Variants in GABRB3 observed in about 807,000 individuals in gnomAD.
The protein encoded by GABRB3 is gamma-aminobutyric acid receptor subunit beta-3.
A neutral mutation model predicts 52.1 loss-of-function variants in GABRB3; 14 were observed. That is an observed-to-expected ratio of 0.27 (90% CI 0.18 to 0.42). The LOEUF (loss-of-function observed/expected upper bound fraction) is 0.42, where lower values mean the gene tolerates loss of function less well. Among genes scored for constraint, GABRB3 ranks in the 10% least tolerant of loss-of-function variants. The pLI is 1.00. For synonymous variants in GABRB3, 260 were observed against 232.3 expected, an observed-to-expected ratio of 1.12 and a Z score of -1.08; for missense variants, 307 against 609.1, an observed-to-expected ratio of 0.50 and a Z score of 5.22.
At chr15:26,702,161 A>G (rs972269996) in intron 3 of GABRB3, among the ~76,000 whole-genome samples, 3 of 152,200 alleles carry the variant, frequency 2.0e-5, no homozygotes, top group Non-Finnish European at 4.4e-5. Flanking sequence ...ACAGGAGGAA[A>G]CCTTTATGAT....
rs962470650 is a variant in GABRB3 at position 26,580,238 on chromosome 15, T to C, written c.682+81A>G. On this transcript the variant is annotated intron_variant, in intron 6 of 8. Coordinates refer to ENST00000311550, the MANE Select transcript of GABRB3 (RefSeq NM_000814.6). The stretch of plus-strand genomic sequence containing the variant: ...TTCCGATGATCCTGTGCTGTGAGTC[T>C]ATGGCAGCACATTTTGTCACTCCAG... 5 of 1,516,162 alleles carry C rather than the reference T, an allele frequency of 3.3e-6. No homozygotes were observed. In the African/African-American group the frequency reaches 6.8e-5, roughly 21 times the overall value. The allele number at this position is 1,516,162 out of a possible 1,614,324, so 93.9% of individuals were successfully genotyped here. A position where few individuals can be genotyped will look rare whatever the true frequency, so the allele number is the denominator to read the frequency against.
At chr15:26,659,028 A>G (rs1887460442) in intron 3 of GABRB3, among the ~76,000 whole-genome samples, 1 of 152,222 alleles carries the variant, frequency 6.6e-6, no homozygotes, top group African/African-American at 2.4e-5. Flanking sequence ...ACATGAATAC[A>G]GAGGCTGCAT....
intron 3 of GABRB3, among the ~76,000 whole-genome samples, chr15:26,729,480 A>C (rs1889853710): frequency 6.6e-6 from 1 of 152,090 alleles, no homozygotes; most frequent in Non-Finnish European, 1.5e-5. Flanking sequence ...CAAAAGCGCC[A>C]AGCTAATGGC....
intron 3 of GABRB3, among the ~76,000 whole-genome samples, chr15:26,764,869 G>A (rs541796582): frequency 2.0e-5 from 3 of 152,198 alleles, no homozygotes; most frequent in Non-Finnish European, 2.9e-5. Flanking sequence ...GGTGGCTCAC[G>A]CCTGTAATCC....
chr15:26,725,675 T>A lies in GABRB3; in HGVS notation c.240+46727A>T, dbSNP rs138425276. ...GACCATAAGAGTTTCAAATTTGGAG[T>A]TTTTTTCATATTTGAGGATATCTGC... On this transcript the variant is annotated intron_variant, in intron 3 of 8. Transcript: ENST00000311550. 4.7e-3 allele frequency among the ~76,000 whole-genome samples: 722 copies of A among 152,284 alleles called. 10 individuals are homozygous for A. Among genetic ancestry groups the A allele is most frequent in the African/African-American group, 0.017 (702 of 41,566 alleles).
Position 26,751,488 on chromosome 15 carries a change from A to T in GABRB3, c.240+20914T>A, listed in dbSNP as rs187724207. The stretch of plus-strand genomic sequence containing the variant: ...TAAAAAAGGGCTCTCTAGACACAGA[A>T]GATCATGAGATAAAGAATCTGAAAG... On this transcript the variant is annotated intron_variant, in intron 3 of 8. Coordinates refer to ENST00000311550, the MANE Select transcript of GABRB3 (RefSeq NM_000814.6). Among the ~76,000 whole-genome samples, 71 of 152,278 alleles carry T rather than the reference A, an allele frequency of 4.7e-4. 1 individual carries two copies. The highest frequency in any genetic ancestry group is 4.3e-3 in the Admixed American group (66 of 15,294).
At chr15:26,699,615 T>A (rs1654757285) in intron 3 of GABRB3, among the ~76,000 whole-genome samples, 1 of 151,974 alleles carries the variant, frequency 6.6e-6, no homozygotes, top group East Asian at 1.9e-4. Flanking sequence ...CACAAAAGAC[T>A]AAGATTGAGC....
intron 3 of GABRB3, among the ~76,000 whole-genome samples, chr15:26,706,128 A>G (rs576812021): frequency 4.6e-5 from 7 of 152,294 alleles, no homozygotes; most frequent in African/African-American, 1.7e-4. Flanking sequence ...ACTAAACAAA[A>G]CAAAGACTAT....
intron 3 of GABRB3, among the ~76,000 whole-genome samples, chr15:26,685,109 C>T (rs1364477583): frequency 1.3e-5 from 2 of 152,306 alleles, no homozygotes; most frequent in African/African-American, 2.4e-5. Flanking sequence ...CCTTTCCCTG[C>T]AGGTCCCATG....
chr15:26,611,072 T>G (rs1892051219), intron 4 of GABRB3, among the ~76,000 whole-genome samples: 1 of 152,200 alleles, frequency 6.6e-6, no homozygotes, highest in Admixed American at 6.6e-5. Flanking sequence ...TTAAGGTTCT[T>G]ACATAGGTGA....
chr15:26,602,024 T>A (rs1443054033), intron 4 of GABRB3, among the ~76,000 whole-genome samples: 1 of 152,102 alleles, frequency 6.6e-6, no homozygotes, highest in Non-Finnish European at 1.5e-5. Flanking sequence ...ATACACTTTA[T>A]TATAAAGACA....
intron 6 of GABRB3, among the ~76,000 whole-genome samples, chr15:26,579,420 G>A (rs1315126804): frequency 6.6e-6 from 1 of 152,192 alleles, no homozygotes; most frequent in East Asian, 1.9e-4. Flanking sequence ...CTAAGAATGA[G>A]TCGGAGCTAG....
chr15:26,740,744 G>A (rs932210635), intron 3 of GABRB3, among the ~76,000 whole-genome samples: 3 of 152,186 alleles, frequency 2.0e-5, no homozygotes, highest in Admixed American at 6.5e-5. Context: ...CACATCTAAC[G>A]TGATGGTCAG....
At position 26,548,117 on chromosome 15, in the gene GABRB3, A is replaced by G. The variant is rs1351117023; in HGVS notation, c.1098T>C (p.Asn366=). 1.9e-6 allele frequency: 3 copies of G among 1,614,014 alleles called. No homozygotes were observed. The African/African-American group carries it at 4.0e-5, about 22-fold the overall frequency. Residue 366 remains asparagine (N), a synonymous_variant, in exon 9 of 9, where the codon AAT becomes AAC. Transcript: ENST00000311550. ...GAACTTCCAGCGATGTCAACAGAATATTTCCATGAGCATCCACCTAATTGG... is the reference window on the plus strand; with the variant it reads ...GAACTTCCAGCGATGTCAACAGAATGTTTCCATGAGCATCCACCTAATTGG... The part of the protein sequence containing the change: ...SESNRVDAHG[N]ILLTSLEVHN...
intron 3 of GABRB3, among the ~76,000 whole-genome samples, chr15:26,664,652 G>A (rs889230879): frequency 7.9e-5 from 12 of 151,134 alleles, no homozygotes. Context: ...ATCAAACCAC[G>A]GTAATGGGGT....
At chr15:26,759,641 A>G (rs1336992884) in intron 3 of GABRB3, among the ~76,000 whole-genome samples, 1 of 152,168 alleles carries the variant, frequency 6.6e-6, no homozygotes, top group Non-Finnish European at 1.5e-5. Flanking sequence ...CTCGCCCCAC[A>G]CTGGCCGAGT....
intron 3 of GABRB3, among the ~76,000 whole-genome samples, chr15:26,721,091 C>T (rs571997085): frequency 5.3e-5 from 8 of 152,026 alleles, no homozygotes; most frequent in Non-Finnish European, 1.2e-4. Flanking sequence ...CCTGAGGGGA[C>T]CTGAAAATGT....
In GABRB3 at chr15:26,758,794, C is replaced by T. The variant is rs564381662; in HGVS notation, c.240+13608G>A. ...AAAAGAAAAAAAGAAAAAAAAACAACCTTAAGTAACATATGTGACACCACC... is the reference window on the plus strand; with the variant it reads ...AAAAGAAAAAAAGAAAAAAAAACAATCTTAAGTAACATATGTGACACCACC... On this transcript the variant is annotated intron_variant, in intron 3 of 8. Transcript: ENST00000311550. 7.2e-5 allele frequency among the ~76,000 whole-genome samples: 11 copies of T among 152,204 alleles called. No individual in the cohort carries two copies. The South Asian group carries it at 1.2e-3, about 17-fold the overall frequency.
At chr15:26,551,842 G>A (rs28655093) in intron 8 of GABRB3, among the ~76,000 whole-genome samples, 1 of 150,944 alleles carries the variant, frequency 6.6e-6, no homozygotes, top group African/African-American at 2.4e-5. Context: ...GATGGGAATG[G>A]ACCGAGATCA....
Sources: gnomAD v4.1 joint callset for allele counts (sites outside exome capture counted in the v4.1 genomes callset) on GRCh38, gnomAD v4.1.1 for gene constraint, MANE v1.5 for transcripts, NCBI Gene and HGNC (gene_info 2026-07-23, HGNC 2026-07-21) for gene names.